Variants in LRRC37A2 observed in about 807,000 individuals in gnomAD.
LRRC37A2 encodes leucine-rich repeat-containing protein 37A2.
A neutral mutation model predicts 68.8 loss-of-function variants in LRRC37A2; 9 were observed. The observed-to-expected ratio is 0.13, with a 90% CI of 0.08 to 0.23. The LOEUF is 0.23. Ranked by LOEUF, LRRC37A2 falls within the 10% of genes least tolerant of loss-of-function variation. LRRC37A2 has a pLI of 1.00. For synonymous variants in LRRC37A2, 63 were observed against 367.6 expected, an observed-to-expected ratio of 0.17 and a Z score of 9.48; for missense variants, 168 against 950.4, an observed-to-expected ratio of 0.18 and a Z score of 10.82.
At chr17:46,826,732 A>G in the LRRC37A2 span, among the ~76,000 whole-genome samples, 59 of 152,058 alleles carry the variant, frequency 3.9e-4, no homozygotes, top group Non-Finnish European at 7.4e-4. Flanking sequence ...TGGGACATGT[A>G]AAATGATCGG....
chr17:46,529,808 G>T (rs1868421434), intron 6 of LRRC37A2, among the ~76,000 whole-genome samples: 1 of 116,962 alleles, frequency 8.5e-6, no homozygotes, highest in African/African-American at 3.2e-5. Context: ...GTCAAGAAAA[G>T]AATGCCTTAG....
chr17:46,935,740 C>T, the LRRC37A2 span: 21 of 987,662 alleles, frequency 2.1e-5, no homozygotes, highest in African/African-American at 2.8e-4. Flanking sequence ...TTAGGTATTC[C>T]TAGAAGCCCT....
At chr17:46,915,893 T>TG in the LRRC37A2 span, among the ~76,000 whole-genome samples, 1 of 152,238 alleles carries the variant, frequency 6.6e-6, no homozygotes, top group Admixed American at 6.5e-5. Context: ...TTGGCTAATT[T>TG]GGGGTGATTC....
chr17:46,990,946 C>T, the LRRC37A2 span, among the ~76,000 whole-genome samples: 1 of 152,196 alleles, frequency 6.6e-6, no homozygotes, highest in Admixed American at 6.5e-5. Flanking sequence ...ATTGGGATTA[C>T]AGGTGTGAGC....
the LRRC37A2 span, among the ~76,000 whole-genome samples, chr17:46,793,108 T>A: frequency 7.1e-6 from 1 of 140,328 alleles, no homozygotes. Flanking sequence ...CTACTAAAAT[T>A]AAAAAAAAAA....
the LRRC37A2 span, among the ~76,000 whole-genome samples, chr17:46,822,220 C>T: frequency 6.6e-6 from 1 of 152,220 alleles, no homozygotes; most frequent in African/African-American, 2.4e-5. Flanking sequence ...CTGTAGGAAC[C>T]GCAGAGCGGT....
At chr17:46,888,298 G>A in the LRRC37A2 span, among the ~76,000 whole-genome samples, 1 of 152,112 alleles carries the variant, frequency 6.6e-6, no homozygotes, top group Admixed American at 6.6e-5. Flanking sequence ...TATGGTGCTG[G>A]GTGATAAACA....
chr17:46,912,693 G>A, the LRRC37A2 span, among the ~76,000 whole-genome samples: 3 of 152,260 alleles, frequency 2.0e-5, no homozygotes, highest in South Asian at 6.2e-4. Context: ...GTGCCACCCT[G>A]TCTGCTCAGC....
At chr17:46,836,062 G>A in the LRRC37A2 span, among the ~76,000 whole-genome samples, 2 of 150,038 alleles carry the variant, frequency 1.3e-5, no homozygotes, top group African/African-American at 4.9e-5. Context: ...CACCTGCTGG[G>A]GCTCCCAGGA....
intron 8 of LRRC37A2, among the ~76,000 whole-genome samples, chr17:46,542,522 TATAGATATAG>T (rs1181065629): frequency 7.5e-5 from 11 of 146,912 alleles, no homozygotes; most frequent in African/African-American, 1.1e-4. Context: ...AGGATATATA[TATAGATATAG>T]ATATATATAT....
the LRRC37A2 span, chr17:46,941,164 CA>C: frequency 3.0e-6 from 3 of 1,006,472 alleles, no homozygotes; most frequent in Non-Finnish European, 3.6e-6. Context: ...ACATTTACTT[CA>C]GGGGGACCAC....
the LRRC37A2 span, among the ~76,000 whole-genome samples, chr17:46,980,093 C>T: frequency 2.0e-5 from 3 of 152,002 alleles, no homozygotes; most frequent in African/African-American, 7.3e-5. Context: ...ACCCAGATTG[C>T]TTCCACCTCC....
chr17:46,974,075 A>G, the LRRC37A2 span, among the ~76,000 whole-genome samples: 1 of 152,196 alleles, frequency 6.6e-6, no homozygotes, highest in African/African-American at 2.4e-5. Context: ...AGCCCTCCCT[A>G]CTTCCCCCGT....
At chr17:46,967,057 C>T in the LRRC37A2 span, 5 of 179,316 alleles carry the variant, frequency 2.8e-5, no homozygotes, top group South Asian at 2.0e-4. Flanking sequence ...GTGGCCTTCC[C>T]GCAGTGAATT....
the LRRC37A2 span, among the ~76,000 whole-genome samples, chr17:46,974,501 G>A: frequency 9.9e-5 from 15 of 152,282 alleles, no homozygotes; most frequent in Middle Eastern, 6.8e-3. Context: ...TTGGGAGGCC[G>A]AGGCGGGTGG....
At chr17:46,755,949 G>A in the LRRC37A2 span, 7 of 862,724 alleles carry the variant, frequency 8.1e-6, no homozygotes, top group African/African-American at 1.7e-5. Flanking sequence ...ACATGTGCTC[G>A]CTCTGCATGA....
At chr17:46,733,861 T>C in the LRRC37A2 span, among the ~76,000 whole-genome samples, 1 of 152,228 alleles carries the variant, frequency 6.6e-6, no homozygotes, top group African/African-American at 2.4e-5. Flanking sequence ...CTAAATTTTA[T>C]GATGTTGTTG....
chr17:46,708,827 T>A, the LRRC37A2 span, among the ~76,000 whole-genome samples: 1,115 of 114,464 alleles, frequency 9.7e-3, 10 homozygotes, highest in East Asian at 0.042. Context: ...TATATATTTT[T>A]TTTTTTTTTT....
At chr17:46,732,308 A>G in the LRRC37A2 span, among the ~76,000 whole-genome samples, 1 of 152,114 alleles carries the variant, frequency 6.6e-6, no homozygotes, top group South Asian at 2.1e-4. Flanking sequence ...CAGGGGCACT[A>G]TGTTGTTATG....
Sources: allele counts gnomAD v4.1 joint callset (sites outside exome capture counted in the v4.1 genomes callset), GRCh38; gene constraint gnomAD v4.1.1; transcripts MANE v1.5; gene names NCBI Gene and HGNC (gene_info 2026-07-23, HGNC 2026-07-21).